Variants in KALRN observed in about 807,000 individuals in gnomAD.
KALRN encodes kalirin RhoGEF kinase.
Under a neutral mutation model 353.7 loss-of-function variants are expected in KALRN, and 70 were observed. That is an observed-to-expected ratio of 0.20 (90% confidence interval 0.16 to 0.24). The LOEUF (loss-of-function observed/expected upper bound fraction) is 0.24, where lower values mean the gene tolerates loss of function less well. Ranked by LOEUF, KALRN falls within the 10% of genes least tolerant of loss-of-function variation. The pLI is 1.00. For missense variants in KALRN, 2,791 were observed against 3,756.7 expected (o/e 0.74, Z 6.72); for synonymous variants, 1,391 against 1,434.8 (o/e 0.97, Z 0.69).
chr3:124,315,369 G>C (rs7646938), intron 6 of KALRN, among the ~76,000 whole-genome samples: 31,195 of 152,034 alleles, frequency 0.21, 3,320 homozygotes, highest in South Asian at 0.29. Flanking sequence ...ACATGGCCTG[G>C]GTCCCTTCTG....
At chr3:124,040,529 A>G (rs2039859636) in intron 1 of KALRN, among the ~76,000 whole-genome samples, 2 of 152,168 alleles carry the variant, frequency 1.3e-5, no homozygotes, top group African/African-American at 2.4e-5. Context: ...AATGCACAGG[A>G]CAACAAATAA....
intron 28 of KALRN, among the ~76,000 whole-genome samples, chr3:124,487,811 TC>T (rs2062725522): frequency 6.6e-6 from 1 of 152,206 alleles, no homozygotes; most frequent in African/African-American, 2.4e-5. Flanking sequence ...CTCTTTATCT[TC>T]CCTTTATCCT....
intron 49 of KALRN, 128 bp from the exon 50 acceptor site, chr3:124,678,062 T>A: frequency 1.0e-6 from 1 of 959,300 alleles, no homozygotes. Flanking sequence ...GTGTGCAGGT[T>A]TGGGGCCTCT....
intron 34 of KALRN, among the ~76,000 whole-genome samples, chr3:124,618,356 C>G (rs922535388): frequency 2.6e-5 from 4 of 151,276 alleles, no homozygotes; most frequent in African/African-American, 9.7e-5. Context: ...ACTTCATGAT[C>G]CGCCCACCTC....
At chr3:124,052,727 C>T (rs1421118895) in intron 1 of KALRN, among the ~76,000 whole-genome samples, 2 of 151,574 alleles carry the variant, frequency 1.3e-5, no homozygotes, top group East Asian at 3.9e-4. Flanking sequence ...CTAAAAAGTA[C>T]ACTAAAGCAT....
At chr3:124,361,239 A>G (rs912062385) in intron 10 of KALRN, among the ~76,000 whole-genome samples, 1 of 152,194 alleles carries the variant, frequency 6.6e-6, no homozygotes, top group African/African-American at 2.4e-5. Context: ...ATTTTTTTCT[A>G]AAGGAAGTTT....
intron 34 of KALRN, among the ~76,000 whole-genome samples, chr3:124,631,415 T>G (rs945349987): frequency 1.3e-5 from 2 of 152,094 alleles, no homozygotes; most frequent in African/African-American, 4.8e-5. Context: ...ACTCCTATAT[T>G]TCCTCCCTGA....
At chr3:124,509,267 G>C (rs2065599366) in intron 33 of KALRN, among the ~76,000 whole-genome samples, 1 of 152,102 alleles carries the variant, frequency 6.6e-6, no homozygotes, top group Admixed American at 6.5e-5. Flanking sequence ...GAAGTGCAGT[G>C]GTACAATCTC....
chr3:124,486,363 T>G (rs2062572740), intron 28 of KALRN, among the ~76,000 whole-genome samples: 1 of 152,136 alleles, frequency 6.6e-6, no homozygotes, highest in African/African-American at 2.4e-5. Context: ...AAAATAAGAT[T>G]GGGAAGGTTA....
chr3:124,689,961 G>A (rs185663955), intron 51 of KALRN, among the ~76,000 whole-genome samples: 193 of 152,294 alleles, frequency 1.3e-3, no homozygotes, highest in Non-Finnish European at 2.3e-3. Context: ...GAGTGCAGAG[G>A]AGGAAGATCA....
At position 124,700,392 on chromosome 3, in the gene KALRN, A is replaced by C. The variant is rs532935771; in HGVS notation, c.7996+359A>C. On this transcript the variant is annotated intron_variant, in intron 56 of 59. Transcript: ENST00000682506. ...GCCAGCCGTAAATGTACCTCCCTGC[A>C]TGAGGGACTCACCCACTTCAAATGG... is the stretch of plus-strand genomic sequence containing the variant. Among the ~76,000 whole-genome samples the C allele has an allele frequency of 1.1e-3, 171 of 152,244 alleles. 1 individual carries two copies. Among genetic ancestry groups the C allele is most frequent in the African/African-American group, 3.9e-3 (164 of 41,550 alleles).
At chr3:124,094,585 T>TC in intron 1 of KALRN, 1 of 540,268 alleles carries the variant, frequency 1.9e-6, no homozygotes, top group Non-Finnish European at 3.4e-6. Flanking sequence ...ATCTCCGACC[T>TC]CCCCTTGGGT....
At chr3:124,672,807 GC>G (rs79032722) in intron 48 of KALRN, among the ~76,000 whole-genome samples, 4,245 of 152,306 alleles carry the variant, frequency 0.028, 81 homozygotes, top group East Asian at 0.079. Context: ...TAGAACCTTA[GC>G]CGAGTTAGTT....
At chr3:124,675,563 G>T (rs1282188462) in intron 49 of KALRN, 1 of 141,216 alleles carries the variant, frequency 7.1e-6, no homozygotes, top group Non-Finnish European at 1.5e-5. Flanking sequence ...TAGGATTTGG[G>T]TGAATGCATT....
At chr3:124,042,672 GT>G (rs1468307888) in intron 1 of KALRN, among the ~76,000 whole-genome samples, 2 of 152,262 alleles carry the variant, frequency 1.3e-5, no homozygotes, top group Admixed American at 1.3e-4. Context: ...CTTAATGAAA[GT>G]CAGGAACTGC....
chr3:124,259,120 G>A (rs765338427), intron 3 of KALRN, among the ~76,000 whole-genome samples: 2 of 152,224 alleles, frequency 1.3e-5, no homozygotes, highest in Admixed American at 6.5e-5. Flanking sequence ...GATAGGTGAA[G>A]ACTTCAGGTG....
At chr3:124,435,797 A>G (rs1269062655) in intron 17 of KALRN, among the ~76,000 whole-genome samples, 2 of 152,232 alleles carry the variant, frequency 1.3e-5, no homozygotes, top group African/African-American at 4.8e-5. Flanking sequence ...CACAGTCTCA[A>G]TCAAATCCCA....
chr3:124,447,561 C>T (rs145903532), intron 21 of KALRN, among the ~76,000 whole-genome samples: 368 of 152,300 alleles, frequency 2.4e-3, no homozygotes, highest in African/African-American at 8.4e-3. Flanking sequence ...CTCTTTGTAA[C>T]GTCCTCATCT....
intron 11 of KALRN, among the ~76,000 whole-genome samples, chr3:124,386,733 T>C (rs753669375): frequency 1.1e-4 from 16 of 152,302 alleles, no homozygotes; most frequent in Admixed American, 8.5e-4. Context: ...TAATAAATAA[T>C]AATAATAATT....
Sources: allele counts gnomAD v4.1 joint callset (sites outside exome capture counted in the v4.1 genomes callset), GRCh38; gene constraint gnomAD v4.1.1; transcripts MANE v1.5; gene names NCBI Gene and HGNC (gene_info 2026-07-23, HGNC 2026-07-21).